Variants in OPN5 observed in about 807,000 individuals in gnomAD.
OPN5 encodes opsin 5.
Under a neutral mutation model 41.7 loss-of-function variants are expected in OPN5, and 18 were observed. The ratio of observed to expected loss-of-function variants is 0.43; its 90% confidence interval spans 0.30 to 0.64. The LOEUF (loss-of-function observed/expected upper bound fraction) is 0.64, where lower values mean the gene tolerates loss of function less well. OPN5 is among the 30% of genes least tolerant of loss of function. The pLI is 0.13. For synonymous variants in OPN5, 178 were observed against 164.3 expected (o/e 1.08, Z -0.64); for missense variants, 318 against 434.5 (o/e 0.73, Z 2.38).
At chr6:47,791,163 G>A (rs1458478382) in intron 2 of OPN5, among the ~76,000 whole-genome samples, 1 of 151,872 alleles carries the variant, frequency 6.6e-6, no homozygotes, top group Non-Finnish European at 1.5e-5. Flanking sequence ...AGTTGCATTG[G>A]TCCCAGGAAT....
At chr6:47,790,673 C>T (rs1773341331) in intron 2 of OPN5, among the ~76,000 whole-genome samples, 1 of 152,194 alleles carries the variant, frequency 6.6e-6, no homozygotes, top group African/African-American at 2.4e-5. Context: ...AAGTTGTCTA[C>T]ATCATTCTTT....
chr6:47,825,693 A>C (rs1762771391), downstream of OPN5: 1 of 152,232 alleles, frequency 6.6e-6, no homozygotes, highest in Non-Finnish European at 1.5e-5. Context: ...CACATCTGGC[A>C]GGAATATGAC....
At chr6:47,785,461 C>T (rs1475567517) in intron 1 of OPN5, among the ~76,000 whole-genome samples, 6 of 152,160 alleles carry the variant, frequency 3.9e-5, no homozygotes, top group Admixed American at 3.9e-4. Context: ...ACATTTCTTT[C>T]TTTGCCCCCA....
intron 4 of OPN5, among the ~76,000 whole-genome samples, chr6:47,800,037 T>G (rs1773710599): frequency 2.0e-5 from 3 of 152,204 alleles, no homozygotes; most frequent in African/African-American, 7.2e-5. Context: ...AGCTGGGAAA[T>G]GAAGGTTTTA....
At chr6:47,823,897 T>C (rs1762714353) in intron 6 of OPN5, 86 bp from the exon 7 acceptor site, 2 of 918,210 alleles carry the variant, frequency 2.2e-6, no homozygotes, top group Non-Finnish European at 3.5e-6. Context: ...GTGTGTGGTA[T>C]GTTTAGGCTC....
At chr6:47,811,691 C>T (rs753968996) in exon 6 of OPN5, 1 of 1,612,358 alleles carries the variant, frequency 6.2e-7, no homozygotes, top group Non-Finnish European at 8.5e-7. Flanking sequence ...ACCGTAACCA[C>T]AGTCAGGAAG....
intron 6 of OPN5, among the ~76,000 whole-genome samples, chr6:47,821,748 A>G (rs1402275494): frequency 6.6e-6 from 1 of 152,150 alleles, no homozygotes; most frequent in Non-Finnish European, 1.5e-5. Flanking sequence ...GTTAAAATGT[A>G]AATCATTGGG....
chr6:47,806,674 C>T (rs1408377177), intron 4 of OPN5, among the ~76,000 whole-genome samples: 1 of 152,170 alleles, frequency 6.6e-6, no homozygotes, highest in East Asian at 1.9e-4. Context: ...GAATTAAGTG[C>T]AAGCTCAATA....
chr6:47,809,463 A>G lies in OPN5; in HGVS notation c.998+1068A>G, dbSNP rs549430395. Among the ~76,000 whole-genome samples, 82 of 152,336 alleles carry G rather than the reference A, an allele frequency of 5.4e-4. 1 individual carries two copies. In the South Asian group the frequency reaches 0.016, roughly 30 times the overall value. The stretch of plus-strand genomic sequence containing the variant: ...AAAAGATGACAAAAAGGCACAAATA[A>G]AAGGTGGTATTATCATTATTGCTGT... On this transcript the variant is annotated intron_variant, in intron 5 of 6. Coordinates refer to ENST00000371211, the Ensembl canonical transcript of OPN5.
chr6:47,820,319 C>T (rs1271185093), intron 6 of OPN5, among the ~76,000 whole-genome samples: 1 of 152,124 alleles, frequency 6.6e-6, no homozygotes, highest in African/African-American at 2.4e-5. Context: ...ATTTATAGAG[C>T]CTGCTCAAAA....
chr6:47,789,308 A>T (rs1053106104), intron 2 of OPN5, among the ~76,000 whole-genome samples: 1 of 152,116 alleles, frequency 6.6e-6, no homozygotes, highest in Non-Finnish European at 1.5e-5. Flanking sequence ...GTAAAACAAC[A>T]GTTTCCATCT....
At chr6:47,826,045 A>T (rs1230973996), downstream of OPN5, 1 of 151,848 alleles carries the variant, frequency 6.6e-6, no homozygotes, top group South Asian at 2.1e-4. Context: ...GTGTGTATAC[A>T]TATATATATA....
In OPN5 at chr6:47,785,113, C is replaced by G. The variant is rs182903757; in HGVS notation, c.131-1402C>G. ...CAAATATTTTCAAAAGAGATGTAGA[C>G]AGATGAAAGGTGTTTCAATGAGCCT... is the stretch of plus-strand genomic sequence containing the variant. On this transcript the variant is annotated intron_variant, in intron 1 of 6. Transcript: ENST00000371211. 2.2e-4 allele frequency among the ~76,000 whole-genome samples: 34 copies of G among 152,244 alleles called. 1 individual carries two copies. In the East Asian group the frequency reaches 5.8e-3, roughly 26 times the overall value.
intron 4 of OPN5, among the ~76,000 whole-genome samples, chr6:47,796,148 A>AACAAGAC (rs1455829683): frequency 6.6e-6 from 1 of 152,192 alleles, no homozygotes; most frequent in Non-Finnish European, 1.5e-5. Flanking sequence ...TAAGGAAAAG[A>AACAAGAC]ACAAGACTAG....
At chr6:47,783,404 CTCTT>C (rs1773127563) in intron 1 of OPN5, among the ~76,000 whole-genome samples, 1 of 152,064 alleles carries the variant, frequency 6.6e-6, no homozygotes. Context: ...CTCCCTTTCT[CTCTT>C]TTTCTCCCTC....
At chr6:47,805,736 G>A (rs370569758) in intron 4 of OPN5, among the ~76,000 whole-genome samples, 3 of 152,198 alleles carry the variant, frequency 2.0e-5, no homozygotes, top group East Asian at 3.9e-4. Context: ...AAAGGCATTC[G>A]CAAATAGTGT....
intron 5 of OPN5, 103 bp from the exon 6 acceptor site, chr6:47,811,571 C>T (rs1774204985): frequency 7.2e-6 from 4 of 554,246 alleles, no homozygotes; most frequent in Non-Finnish European, 6.5e-6. Flanking sequence ...ACATAATCCT[C>T]ATAGTAGTCG....
intron 4 of OPN5, among the ~76,000 whole-genome samples, chr6:47,797,554 A>AC (rs1773616887): frequency 6.6e-6 from 1 of 152,150 alleles, no homozygotes; most frequent in South Asian, 2.1e-4. Context: ...GGGCAAATGT[A>AC]CCAATGATGA....
chr6:47,821,892 A>T (rs1762634322), intron 6 of OPN5, among the ~76,000 whole-genome samples: 2 of 152,138 alleles, frequency 1.3e-5, no homozygotes, highest in African/African-American at 4.8e-5. Flanking sequence ...AGGTGGGCAG[A>T]TCAAGTGGTC....
Sources: gnomAD v4.1 joint callset for allele counts (sites outside exome capture counted in the v4.1 genomes callset) on GRCh38, gnomAD v4.1.1 for gene constraint, MANE v1.5 for transcripts, NCBI Gene and HGNC (gene_info 2026-07-23, HGNC 2026-07-21) for gene names.